SUCLG2: variants seen among roughly 807,000 people sequenced by gnomAD.
The protein encoded by SUCLG2 is succinate-CoA ligase GDP-forming subunit beta, also known as succinate--CoA ligase [GDP-forming] subunit beta, mitochondrial.
A neutral mutation model predicts 47.9 loss-of-function variants in SUCLG2; 42 were observed. That is an observed-to-expected ratio of 0.88 (90% CI 0.69 to 1.14). The LOEUF is 1.14. Ranked by LOEUF, SUCLG2 falls within the 50% of genes most tolerant of loss-of-function variation. The pLI is 0.00. For missense variants in SUCLG2, 571 were observed against 525.9 expected (o/e 1.09, Z -0.84); for synonymous variants, 195 against 197.3 (o/e 0.99, Z 0.10).
chr3:67,643,912 G>A (rs147417908), intron 1 of SUCLG2, among the ~76,000 whole-genome samples: 1 of 152,270 alleles, frequency 6.6e-6, no homozygotes, highest in Non-Finnish European at 1.5e-5. Context: ...CCTGACCTCA[G>A]GTGATCCACC....
chr3:67,581,714 G>C (rs764909767), intron 2 of SUCLG2, among the ~76,000 whole-genome samples: 2 of 152,166 alleles, frequency 1.3e-5, no homozygotes, highest in African/African-American at 4.8e-5. Context: ...CGCCTAACTC[G>C]AGTATGGAAA....
chr3:67,577,511 C>A (rs1707774318), intron 2 of SUCLG2, among the ~76,000 whole-genome samples: 1 of 152,086 alleles, frequency 6.6e-6, no homozygotes, highest in African/African-American at 2.4e-5. Context: ...AGGAGGAGAG[C>A]TGATGTAAAC....
At position 67,608,434 on chromosome 3, in the gene SUCLG2, C is replaced by T. The variant is rs575552093; in HGVS notation, c.226+1021G>A. On this transcript the variant is annotated intron_variant, in intron 2 of 10. Coordinates refer to ENST00000307227, the MANE Select transcript of SUCLG2 (RefSeq NM_003848.4). The stretch of plus-strand genomic sequence containing the variant: ...TGATGTTTTTTGCTTTTTTAAATTG[C>T]AGTTATCATTTCCTTTATTAGTTAA... 1.3e-5 allele frequency among the ~76,000 whole-genome samples: 2 copies of T among 152,106 alleles called. 1 individual carries two copies. The highest frequency in any genetic ancestry group is 4.1e-4 in the South Asian group (2 of 4,820).
intron 1 of SUCLG2, among the ~76,000 whole-genome samples, chr3:67,645,906 T>C (rs1456014139): frequency 6.6e-6 from 1 of 151,036 alleles, no homozygotes; most frequent in Non-Finnish European, 1.5e-5. Context: ...AAGCAGAAGC[T>C]GGGGACAAAA....
chr3:67,592,724 A>AG (rs1300581348), intron 2 of SUCLG2, among the ~76,000 whole-genome samples: 2 of 116,230 alleles, frequency 1.7e-5, no homozygotes, highest in African/African-American at 3.4e-5. Context: ...CCTCCAAAAA[A>AG]AAAAAAAAAA....
chr3:67,519,519 C>T (rs1189780562), intron 5 of SUCLG2, among the ~76,000 whole-genome samples: 2 of 152,104 alleles, frequency 1.3e-5, no homozygotes, highest in East Asian at 1.9e-4. Flanking sequence ...TGTATGGTAA[C>T]ATTGGTTTCC....
At chr3:67,408,674 T>C (rs1255805359) in intron 9 of SUCLG2, 5 of 1,132,356 alleles carry the variant, frequency 4.4e-6, no homozygotes, top group Admixed American at 4.5e-5. Context: ...TTCTTCACTT[T>C]ACTTATATTC....
At chr3:67,636,353 CTTTT>C (rs373165988) in intron 1 of SUCLG2, among the ~76,000 whole-genome samples, 5 of 137,982 alleles carry the variant, frequency 3.6e-5, no homozygotes, top group East Asian at 2.1e-4. Flanking sequence ...AGGCAGAATC[CTTTT>C]TTTTTTTTTT....
At chr3:67,470,251 T>C (rs767610043) in intron 9 of SUCLG2, among the ~76,000 whole-genome samples, 17 of 152,192 alleles carry the variant, frequency 1.1e-4, no homozygotes, top group Non-Finnish European at 2.4e-4. Context: ...TTTTCACATT[T>C]CATGTGGTAT....
chr3:67,649,359 T>A (rs1484774361), intron 1 of SUCLG2, among the ~76,000 whole-genome samples: 1 of 152,198 alleles, frequency 6.6e-6, no homozygotes, highest in South Asian at 2.1e-4. Context: ...GTCATATTTA[T>A]CTGCCCAACA....
rs968447656 is a variant in SUCLG2 at position 67,453,630 on chromosome 3, G to A, written c.1062+42168C>T. On this transcript the variant is annotated intron_variant, in intron 9 of 10. Coordinates refer to ENST00000307227, the MANE Select transcript of SUCLG2 (RefSeq NM_003848.4). ...AGAACACAACAAAATTATTTAGCATGAATATATATATGTATTGCCTTACTG... is the reference window on the plus strand; with the variant it reads ...AGAACACAACAAAATTATTTAGCATAAATATATATATGTATTGCCTTACTG... Among the ~76,000 whole-genome samples, 3 of 152,160 alleles carry A rather than the reference G, an allele frequency of 2.0e-5. No individual in the cohort carries two copies. The East Asian group carries it at 5.8e-4, about 29-fold the overall frequency.
chr3:67,520,043 G>A (rs760592724), intron 5 of SUCLG2, among the ~76,000 whole-genome samples: 2 of 152,130 alleles, frequency 1.3e-5, no homozygotes, highest in South Asian at 4.1e-4. Context: ...TACATCAAGA[G>A]TACTGAGAGA....
At position 67,375,378 on chromosome 3, in the gene SUCLG2, T is replaced by A; in HGVS notation, c.*366A>T. ...AATGGTCTGTTTTTCTTTTTCATTA[T>A]GTAGGATTAGATGCCCACCAAAATT... On this transcript the variant is annotated 3_prime_UTR_variant, in exon 11 of 11. Transcript: ENST00000307227. 1 of 990,958 alleles carries A rather than the reference T, an allele frequency of 1.0e-6. No individual in the cohort carries two copies. The highest frequency in any genetic ancestry group is 1.1e-4 in the East Asian group (1 of 9,130). 61.4% of individuals were successfully genotyped at this position (990,958 alleles called of 1,614,324 possible).
chr3:67,465,347 T>C (rs1704445045), intron 9 of SUCLG2, among the ~76,000 whole-genome samples: 1 of 152,184 alleles, frequency 6.6e-6, no homozygotes, highest in Admixed American at 6.5e-5. Context: ...TCTCGCTCAC[T>C]CTGCTCTGAA....
rs116991874 is a variant in SUCLG2 at position 67,628,197 on chromosome 3, A to G, written c.85-18601T>C. Among the ~76,000 whole-genome samples, 366 of 152,296 alleles carry G rather than the reference A, an allele frequency of 2.4e-3. 8 individuals are homozygous for G. In the East Asian group the frequency reaches 0.051, roughly 21 times the overall value. On this transcript the variant is annotated intron_variant, in intron 1 of 10. Coordinates refer to ENST00000307227, the MANE Select transcript of SUCLG2 (RefSeq NM_003848.4). The stretch of plus-strand genomic sequence containing the variant: ...GTTTCATACTTTCTTATGTGTACTA[A>G]TTTTATATATGTATATGGCTAGAGC...
intron 1 of SUCLG2, among the ~76,000 whole-genome samples, chr3:67,627,599 T>G (rs1012830948): frequency 6.6e-6 from 1 of 152,262 alleles, no homozygotes; most frequent in Non-Finnish European, 1.5e-5. Flanking sequence ...AATTACTTTC[T>G]CTTTCGCCAT....
chr3:67,546,638 G>C (rs953768886), intron 2 of SUCLG2, among the ~76,000 whole-genome samples: 1 of 152,220 alleles, frequency 6.6e-6, no homozygotes, highest in African/African-American at 2.4e-5. Context: ...GGGAGACTGA[G>C]GCAGAAGAAT....
At chr3:67,533,924 A>G (rs765452187) in intron 2 of SUCLG2, among the ~76,000 whole-genome samples, 24 of 152,152 alleles carry the variant, frequency 1.6e-4, no homozygotes, top group Non-Finnish European at 2.9e-4. Context: ...AATTTGGGAC[A>G]GAGAGTTTCA....
At chr3:67,512,585 A>T (rs867316313) in intron 6 of SUCLG2, among the ~76,000 whole-genome samples, 10 of 150,538 alleles carry the variant, frequency 6.6e-5, no homozygotes, top group Admixed American at 3.3e-4. Flanking sequence ...ATATATGTAT[A>T]ATCTAATCCA....
Sources: gnomAD v4.1 joint callset for allele counts (sites outside exome capture counted in the v4.1 genomes callset) on GRCh38, gnomAD v4.1.1 for gene constraint, MANE v1.5 for transcripts, NCBI Gene and HGNC (gene_info 2026-07-23, HGNC 2026-07-21) for gene names.